Variants in ULK2 observed in about 807,000 individuals in gnomAD.
ULK2 encodes the protein unc-51 like autophagy activating kinase 2.
ULK2 carries 76 observed loss-of-function variants against 127.5 expected under a neutral mutation model. The observed-to-expected ratio is 0.60, with a 90% CI of 0.50 to 0.72. The LOEUF (loss-of-function observed/expected upper bound fraction) is 0.72. ULK2 is among the 30% of genes least tolerant of loss of function. ULK2 has a pLI of 0.00. For synonymous variants in ULK2, 452 were observed against 461.9 expected (o/e 0.98, Z 0.28); for missense variants, 1,144 against 1,295.9 (o/e 0.88, Z 1.80).
intron 12 of ULK2, among the ~76,000 whole-genome samples, chr17:19,818,188 C>A (rs138902980): frequency 2.0e-5 from 3 of 151,926 alleles, no homozygotes; most frequent in Non-Finnish European, 2.9e-5. Context: ...CCGGGCATGA[C>A]GGCGGGCGCC....
chr17:19,856,925 C>T (rs1267610055), intron 3 of ULK2, among the ~76,000 whole-genome samples: 2 of 132,222 alleles, frequency 1.5e-5, no homozygotes, highest in Admixed American at 9.3e-5. Flanking sequence ...TGCAGTGAGC[C>T]GAGATCGCAC....
chr17:19,821,778 T>C (rs2041152484), intron 12 of ULK2, among the ~76,000 whole-genome samples: 2 of 152,160 alleles, frequency 1.3e-5, no homozygotes, highest in Admixed American at 6.5e-5. Context: ...GGTCTCTCTG[T>C]ATCCAGGCTG....
At chr17:19,819,375 G>C (rs913254831) in intron 12 of ULK2, among the ~76,000 whole-genome samples, 1 of 152,126 alleles carries the variant, frequency 6.6e-6, no homozygotes, top group Non-Finnish European at 1.5e-5. Context: ...GACTCCTTCT[G>C]AGTCTCTTTT....
chr17:19,835,837 T>C (rs1240341958), intron 10 of ULK2, among the ~76,000 whole-genome samples: 1 of 150,998 alleles, frequency 6.6e-6, no homozygotes, highest in Admixed American at 6.6e-5. Flanking sequence ...AATAATCTAT[T>C]TTGACTAGGA....
At chr17:19,795,001 C>T (rs1000972707) in intron 20 of ULK2, among the ~76,000 whole-genome samples, 7 of 151,908 alleles carry the variant, frequency 4.6e-5, no homozygotes, top group African/African-American at 1.7e-4. Flanking sequence ...ATGGTGTGAA[C>T]CCGGGAGGCG....
Position 19,855,276 on chromosome 17 carries a change from C to T in ULK2, c.226-5502G>A, listed in dbSNP as rs541960235. On this transcript the variant is annotated intron_variant, in intron 3 of 26. Coordinates refer to ENST00000395544, the MANE Select transcript of ULK2 (RefSeq NM_014683.4). ...AAAATTAGCCAGGCATGGTGGCGGG[C>T]GCCTGTAGTCCCAGCTACGCGGGAG... Among the ~76,000 whole-genome samples, 34 of 150,948 alleles carry T rather than the reference C, an allele frequency of 2.3e-4. No homozygotes were observed. The East Asian group carries it at 4.7e-3, about 21-fold the overall frequency.
intron 14 of ULK2, among the ~76,000 whole-genome samples, chr17:19,809,380 T>C (rs2087579748): frequency 6.6e-6 from 1 of 152,180 alleles, no homozygotes; most frequent in Non-Finnish European, 1.5e-5. Flanking sequence ...TATTTAACAA[T>C]AATGAACTAT....
Position 19,774,534 on chromosome 17 carries a change from G to T in ULK2, c.*1815C>A, listed in dbSNP as rs2086782796. The T allele has an allele frequency of 1.3e-5, 2 of 152,152 alleles. No individual in the cohort carries two copies. Among genetic ancestry groups the T allele is most frequent in the Non-Finnish European group, 2.9e-5 (2 of 68,020 alleles). 9.4% of individuals were successfully genotyped at this position (152,152 alleles called of 1,614,324 possible). A position where few individuals can be genotyped will look rare whatever the true frequency, so the allele number is the denominator to read the frequency against. On this transcript the variant is annotated 3_prime_UTR_variant, in exon 27 of 27. Coordinates refer to ENST00000395544, the MANE Select transcript of ULK2 (RefSeq NM_014683.4). ...GAAAGAACATGAATGAAATTTCACTGTGAATAAAAAATATTATATAAAATA... is the reference window on the plus strand; with the variant it reads ...GAAAGAACATGAATGAAATTTCACTTTGAATAAAAAATATTATATAAAATA...
chr17:19,845,208 TA>T lies in ULK2; in HGVS notation c.543+95del, dbSNP rs2041851811. On this transcript the variant is annotated intron_variant, in intron 7 of 26. Transcript: ENST00000395544. The stretch of plus-strand genomic sequence containing the variant: ...TAGTAATAACAACTTGGACTATATG[TA>T]AAATCACATCTTATTTGGAAGCACG... 4 of 1,099,002 alleles carry T rather than the reference TA, an allele frequency of 3.6e-6. No individual in the cohort carries two copies. The South Asian group carries it at 5.7e-5, about 16-fold the overall frequency. 68.1% of individuals were successfully genotyped at this position (1,099,002 alleles called of 1,614,324 possible).
At position 19,867,313 on chromosome 17, in the gene ULK2, C is replaced by T; in HGVS notation, c.90+15G>A. 1 of 1,562,418 alleles carries T rather than the reference C, an allele frequency of 6.4e-7. No individual in the cohort carries two copies. The highest frequency in any genetic ancestry group is 1.4e-5 in the African/African-American group (1 of 71,524). On this transcript the variant is annotated intron_variant, in intron 1 of 26. Coordinates refer to ENST00000395544, the MANE Select transcript of ULK2 (RefSeq NM_014683.4). ...CTGCCGCCCGGGGCCCGGCCTCGCC[C>T]CGGCCGGCGCTCACCTGGCGGTGCC...
chr17:19,836,176 C>G (rs553025109), intron 10 of ULK2, among the ~76,000 whole-genome samples: 2 of 149,538 alleles, frequency 1.3e-5, no homozygotes, highest in African/African-American at 2.5e-5. Flanking sequence ...TTTGGGAGAC[C>G]GAGGCAGGTG....
intron 14 of ULK2, among the ~76,000 whole-genome samples, chr17:19,809,159 TAAGTC>T (rs1032309142): frequency 2.6e-5 from 4 of 152,118 alleles, no homozygotes; most frequent in Non-Finnish European, 5.9e-5. Context: ...CTAAGTGAAA[TAAGTC>T]AAGTCACAAA....
At chr17:19,811,051 T>A (rs963496499) in intron 13 of ULK2, 1 of 152,058 alleles carries the variant, frequency 6.6e-6, no homozygotes, top group Non-Finnish European at 1.5e-5. Flanking sequence ...GCCCAGGAGT[T>A]TGAGACCTGC....
intron 19 of ULK2, 87 bp from the exon 20 acceptor site, chr17:19,795,812 C>T (rs191054162): frequency 2.4e-6 from 3 of 1,242,104 alleles, no homozygotes; most frequent in East Asian, 2.3e-5. Context: ...AATGAGGAAA[C>T]AAGAAATAGA....
chr17:19,847,933 T>C (rs989461662), intron 5 of ULK2, among the ~76,000 whole-genome samples: 4 of 152,214 alleles, frequency 2.6e-5, no homozygotes, highest in African/African-American at 9.6e-5. Context: ...GTTCAACTCC[T>C]AGTTCTTCCA....
At chr17:19,845,568 AACTGTACAAGTC>A (rs1197190255) in intron 6 of ULK2, among the ~76,000 whole-genome samples, 191 bp from the exon 7 acceptor site, 2 of 152,232 alleles carry the variant, frequency 1.3e-5, no homozygotes, top group Admixed American at 1.3e-4. Context: ...AGTAATCGTC[AACTGTACAAGTC>A]ACTGCTCTGC....
intron 12 of ULK2, among the ~76,000 whole-genome samples, chr17:19,820,866 A>C (rs765801614): frequency 1.3e-5 from 2 of 152,190 alleles, no homozygotes; most frequent in Non-Finnish European, 2.9e-5. Flanking sequence ...GAAGATACAT[A>C]TACATATGCT....
intron 10 of ULK2, among the ~76,000 whole-genome samples, chr17:19,836,406 C>A (rs113428286): frequency 0.012 from 1,810 of 151,090 alleles, 31 homozygotes; most frequent in African/African-American, 0.041. Flanking sequence ...AAGACTCCGT[C>A]TCAAAAACAC....
intron 14 of ULK2, among the ~76,000 whole-genome samples, chr17:19,810,073 T>C (rs916888163): frequency 1.4e-5 from 2 of 145,060 alleles, no homozygotes; most frequent in African/African-American, 5.1e-5. Context: ...CTATTAAAAA[T>C]ACAAAAAATT....
Sources: gnomAD v4.1 joint callset for allele counts (sites outside exome capture counted in the v4.1 genomes callset) on GRCh38, gnomAD v4.1.1 for gene constraint, MANE v1.5 for transcripts, NCBI Gene and HGNC (gene_info 2026-07-23, HGNC 2026-07-21) for gene names.